The following CNPY1 variants were observed in gnomAD, a reference collection of about 807,000 sequenced individuals.
CNPY1 encodes the protein canopy FGF signaling regulator 1.
Under a neutral mutation model 14.4 loss-of-function variants are expected in CNPY1, and 14 were observed. The observed-to-expected ratio is 0.97, with a 90% CI of 0.64 to 1.52. The LOEUF (loss-of-function observed/expected upper bound fraction) is 1.52, where lower values mean the gene tolerates loss of function less well. Ranked by LOEUF, CNPY1 falls within the 40% of genes most tolerant of loss-of-function variation. The pLI is 0.00. For missense variants in CNPY1, 129 were observed against 131.5 expected (o/e 0.98, Z 0.09); for synonymous variants, 43 against 46.5 (o/e 0.92, Z 0.31).
chr7:155,513,419 G>T (rs887767073), intron 2 of CNPY1, among the ~76,000 whole-genome samples: 1 of 152,034 alleles, frequency 6.6e-6, no homozygotes, highest in Non-Finnish European at 1.5e-5. Flanking sequence ...ATAAGACCTT[G>T]GGGGGAAAAC....
intron 2 of CNPY1, among the ~76,000 whole-genome samples, chr7:155,512,474 G>A (rs1796548266): frequency 6.6e-6 from 1 of 152,156 alleles, no homozygotes; most frequent in African/African-American, 2.4e-5. Flanking sequence ...CAATGGAATG[G>A]GGGTGGGGAG....
intron 4 of CNPY1, among the ~76,000 whole-genome samples, chr7:155,504,209 T>C (rs1244781000): frequency 1.3e-5 from 2 of 152,212 alleles, no homozygotes; most frequent in Non-Finnish European, 2.9e-5. Context: ...CAGCCACAGA[T>C]TCATTTGTAA....
chr7:155,518,747 T>C (rs577008687), intron 2 of CNPY1: 1 of 152,334 alleles, frequency 6.6e-6, no homozygotes, highest in Non-Finnish European at 1.5e-5. Flanking sequence ...GCATTTCTGG[T>C]CTTCTGCAGC....
rs996776750 is a variant in CNPY1 at position 155,501,366 on chromosome 7, G to A, written c.*1702C>T. 1 of 152,174 alleles carries A rather than the reference G, an allele frequency of 6.6e-6. No individual in the cohort carries two copies. Among genetic ancestry groups the A allele is most frequent in the African/African-American group, 2.4e-5 (1 of 41,456 alleles). 9.4% of individuals were successfully genotyped at this position (152,174 alleles called of 1,614,324 possible). ...AATTTCTATAATTAGTGTTAGCATT[G>A]CCTACATTTGAGAATGTTTGATGAT... On this transcript the variant is annotated 3_prime_UTR_variant, in exon 5 of 5. Coordinates refer to ENST00000636446, the MANE Select transcript of CNPY1 (RefSeq NM_001393663.1).
intron 2 of CNPY1, among the ~76,000 whole-genome samples, chr7:155,520,099 C>T (rs1343221184): frequency 6.6e-6 from 1 of 152,190 alleles, no homozygotes; most frequent in African/African-American, 2.4e-5. Context: ...TTCCCGTATG[C>T]TCATATTTCT....
At chr7:155,505,308 T>C (rs1426092803) in intron 4 of CNPY1, among the ~76,000 whole-genome samples, 2 of 152,198 alleles carry the variant, frequency 1.3e-5, no homozygotes, top group African/African-American at 4.8e-5. Flanking sequence ...CTGCTGTTCA[T>C]AGTGGTAAGG....
intron 2 of CNPY1, among the ~76,000 whole-genome samples, chr7:155,534,731 G>A (rs554723674): frequency 3.3e-5 from 5 of 152,332 alleles, no homozygotes; most frequent in South Asian, 4.1e-4. Context: ...AGACTGGAAC[G>A]TAATGGGACT....
chr7:155,505,135 A>C (rs1489770403), intron 4 of CNPY1, among the ~76,000 whole-genome samples: 2 of 152,180 alleles, frequency 1.3e-5, no homozygotes, highest in Middle Eastern at 3.2e-3. Flanking sequence ...GTCTCTCTCT[A>C]GGATTAATTT....
intron 2 of CNPY1, among the ~76,000 whole-genome samples, chr7:155,511,954 C>T (rs570467467): frequency 5.4e-4 from 83 of 152,294 alleles, no homozygotes; most frequent in South Asian, 1.5e-3. Flanking sequence ...AGCTGAACTA[C>T]GTTCAGTACA....
intron 2 of CNPY1, among the ~76,000 whole-genome samples, chr7:155,527,941 C>T (rs1223914759): frequency 2.0e-5 from 3 of 152,208 alleles, no homozygotes; most frequent in African/African-American, 7.2e-5. Flanking sequence ...GGAGTTCAGG[C>T]TCCTTCCCCA....
In CNPY1 at chr7:155,501,975, A is replaced by G. The variant is rs1262775075; in HGVS notation, c.*1093T>C. On this transcript the variant is annotated 3_prime_UTR_variant, in exon 5 of 5. Transcript: ENST00000636446. ...GCTTTTTAAGCAACTAAGTAACAATATGGCAAAGAGTTTTGGGTCGGGGGG... is the reference window on the plus strand; with the variant it reads ...GCTTTTTAAGCAACTAAGTAACAATGTGGCAAAGAGTTTTGGGTCGGGGGG... 1.1e-5 allele frequency: 1 copy of G among 90,036 alleles called. No individual in the cohort carries two copies. Among genetic ancestry groups the G allele is most frequent in the African/African-American group, 5.0e-5 (1 of 20,060 alleles). The allele number at this position is 90,036 out of a possible 1,614,324, so 5.6% of individuals were successfully genotyped here.
At chr7:155,539,814 C>T (rs1185085610) in intron 2 of CNPY1, among the ~76,000 whole-genome samples, 1 of 152,114 alleles carries the variant, frequency 6.6e-6, no homozygotes, top group South Asian at 2.1e-4. Context: ...AGTGGGGGCC[C>T]GTGGGCCATT....
At chr7:155,509,261 T>TAAC (rs1796441635) in intron 2 of CNPY1, among the ~76,000 whole-genome samples, 164 bp from the exon 3 acceptor site, 1 of 152,206 alleles carries the variant, frequency 6.6e-6, no homozygotes, top group African/African-American at 2.4e-5. Context: ...TATTACAATG[T>TAAC]AACAACGACC....
At chr7:155,535,442 A>C (rs12698016) in intron 2 of CNPY1, among the ~76,000 whole-genome samples, 69,764 of 152,028 alleles carry the variant, frequency 0.46, 16,404 homozygotes, top group African/African-American at 0.56. Flanking sequence ...AGGTGCACAC[A>C]CTCAGGCACA....
intron 2 of CNPY1, among the ~76,000 whole-genome samples, chr7:155,527,054 C>CTTTCTTTCTTTTT (rs56296833): frequency 1.4e-3 from 123 of 90,360 alleles, no homozygotes; most frequent in Admixed American, 1.6e-3. Context: ...TTCTTTCTTT[C>CTTTCTTTCTTTTT]TTTTTTTTTT....
intron 2 of CNPY1, among the ~76,000 whole-genome samples, chr7:155,529,361 T>C (rs1477714831): frequency 6.6e-6 from 1 of 152,204 alleles, no homozygotes; most frequent in Non-Finnish European, 1.5e-5. Context: ...CTCTGGCCTG[T>C]GTTTGTTTCC....
intron 4 of CNPY1, 23 bp downstream of exon 4, chr7:155,506,997 A>G (rs1400839819): frequency 6.8e-7 from 1 of 1,470,274 alleles, no homozygotes; most frequent in South Asian, 1.1e-5. Flanking sequence ...AGCAGCGAGC[A>G]CATGTTACAT....
rs1266656386 is a variant in CNPY1, at chr7:155,528,827, A to G, written c.99+17004T>C. Reference sequence around the variant, plus strand: ...TGTAATCCCAGCACTTTGGGAGGCCAAGGTGGGCAGATCACGAGGTCAGGA... The same window carrying G: ...TGTAATCCCAGCACTTTGGGAGGCCGAGGTGGGCAGATCACGAGGTCAGGA... On this transcript the variant is annotated intron_variant, in intron 2 of 4. Coordinates refer to ENST00000636446, the MANE Select transcript of CNPY1 (RefSeq NM_001393663.1). 3.9e-5 allele frequency among the ~76,000 whole-genome samples: 6 copies of G among 152,140 alleles called. No individual in the cohort carries two copies. The East Asian group carries it at 5.8e-4, about 15-fold the overall frequency.
At chr7:155,525,628 G>A (rs1328473149) in intron 2 of CNPY1, among the ~76,000 whole-genome samples, 1 of 152,144 alleles carries the variant, frequency 6.6e-6, no homozygotes, top group Non-Finnish European at 1.5e-5. Flanking sequence ...CTCCATCTCA[G>A]GCCCACACCC....
Sources: allele counts gnomAD v4.1 joint callset (sites outside exome capture counted in the v4.1 genomes callset), GRCh38; gene constraint gnomAD v4.1.1; transcripts MANE v1.5; gene names NCBI Gene and HGNC (gene_info 2026-07-23, HGNC 2026-07-21).